Variants in TTYH2 observed in about 807,000 individuals in gnomAD.
TTYH2 encodes protein tweety homolog 2.
Under a neutral mutation model 68.3 loss-of-function variants are expected in TTYH2, and 49 were observed. That is an observed-to-expected ratio of 0.72 (90% CI 0.57 to 0.91). The LOEUF (loss-of-function observed/expected upper bound fraction) is 0.91, where lower values mean the gene tolerates loss of function less well. Among genes scored for constraint, TTYH2 ranks in the 40% least tolerant of loss-of-function variants. The pLI, the probability that TTYH2 is intolerant of heterozygous loss-of-function variation, is 0.00. For missense variants in TTYH2, 631 were observed against 700.4 expected, an observed-to-expected ratio of 0.90 and a Z score of 1.12; for synonymous variants, 272 against 300.8, an observed-to-expected ratio of 0.90 and a Z score of 0.99.
intron 3 of TTYH2, among the ~76,000 whole-genome samples, chr17:74,234,663 A>G (rs2050424539): frequency 6.6e-6 from 1 of 152,132 alleles, no homozygotes; most frequent in South Asian, 2.1e-4. Flanking sequence ...TTTTCCCCCT[A>G]AGGAGGAGTT....
rs543687175 is a variant in TTYH2 at position 74,248,997 on chromosome 17, T to G, written c.805-14T>G. 1 of 1,613,990 alleles carries G rather than the reference T, an allele frequency of 6.2e-7. No homozygotes were observed. Among genetic ancestry groups the G allele is most frequent in the African/African-American group, 1.3e-5 (1 of 75,006 alleles). ...CTGATTTTCCTCCACCCCGTCCCTC[T>G]CTCCCTCACTCAGGCCACCAGTGAC... On this transcript the variant is annotated splice_polypyrimidine_tract_variant and intron_variant, in intron 6 of 13. Transcript: ENST00000269346.
rs776506472 is a variant in TTYH2 at position 74,253,098 on chromosome 17, A to G, written c.1277A>G (p.Asp426Gly). 16 of 1,613,632 alleles carry G rather than the reference A, an allele frequency of 9.9e-6. No individual in the cohort carries two copies. ...TGTTCTAGAAACAGAGACTACGATG[A>G]CATTGATGATGATGACCCCTTTAAC... ...HFTTRNRDYDDIDDDDPFNPQ... is the reference protein window; with the variant it reads ...HFTTRNRDYDGIDDDDPFNPQ... Residue 426 changes from aspartate (D) to glycine (G), a missense_variant, in exon 12 of 14, where the codon GAC (aspartate) becomes GGC (glycine). Asp to Gly is a moderately conservative substitution (Grantham distance 94). Coordinates refer to ENST00000269346, the MANE Select transcript of TTYH2 (RefSeq NM_032646.6).
intron 12 of TTYH2, 151 bp from the exon 13 acceptor site, chr17:74,253,604 A>G: frequency 2.7e-6 from 2 of 740,976 alleles, no homozygotes; most frequent in African/African-American, 1.8e-5. Flanking sequence ...GCTCTTCTCC[A>G]TATCTGCCCA....
Position 74,250,292 on chromosome 17 carries a change from C to T in TTYH2, c.1051C>T (p.Leu351=). 1 of 1,613,650 alleles carries T rather than the reference C, an allele frequency of 6.2e-7. No homozygotes were observed. The highest frequency in any genetic ancestry group is 8.5e-7 in the Non-Finnish European group (1 of 1,179,810). Residue 351 remains leucine, a synonymous_variant, in exon 10 of 14, where the codon CTG becomes TTG. Coordinates refer to ENST00000269346, the MANE Select transcript of TTYH2 (RefSeq NM_032646.6). ...EEDLLAIQLL[L]NSSESSLHQL... ...AGACCTGCTTGCAATCCAGCTCCTG[C>T]TGAACTCCTCAGAGTCCAGCCTTCA...
Position 74,249,488 on chromosome 17 carries a change from G to T in TTYH2, c.930+89G>T, listed in dbSNP as rs1870992. ...ACCACTGACCAAGATGGCGGAGGTGGCAGGGCCTTGCTTGCCTCACTGTGG... is the reference window on the plus strand; with the variant it reads ...ACCACTGACCAAGATGGCGGAGGTGTCAGGGCCTTGCTTGCCTCACTGTGG... On this transcript the variant is annotated intron_variant, in intron 8 of 13. Transcript: ENST00000269346. 9,229 of 1,440,718 alleles carry T rather than the reference G, an allele frequency of 6.4e-3. 434 individuals carry two copies. In the African/African-American group the frequency reaches 0.11, roughly 17 times the overall value. 89.2% of individuals were successfully genotyped at this position (1,440,718 alleles called of 1,614,324 possible).
intron 6 of TTYH2, chr17:74,248,503 C>G: frequency 1.0e-6 from 1 of 992,668 alleles, no homozygotes; most frequent in Non-Finnish European, 1.2e-6. Context: ...TCAGCACCAA[C>G]CTCATTCTTT....
rs751787591 is a variant in TTYH2 at position 74,237,501 on chromosome 17, G to A, written c.622G>A (p.Val208Met). ...CAAGCTATCCGACCAGACTGGCTAC[G>A]TGGAGTACTACAGGTGAAGGACCGG... is the stretch of plus-strand genomic sequence containing the variant. ...LTKLSDQTGY[V>M]EYYRWLSYLL... Residue 208 changes from valine (V) to methionine (M), a missense_variant, in exon 4 of 14, where the codon GTG becomes ATG. By Grantham distance (21) the Val-to-Met change is conservative. Coordinates refer to ENST00000269346, the MANE Select transcript of TTYH2 (RefSeq NM_032646.6). 7.4e-6 allele frequency: 12 copies of A among 1,611,866 alleles called. No homozygotes were observed. Among genetic ancestry groups the A allele is most frequent in the Admixed American group, 3.3e-5 (2 of 59,908 alleles).
chr17:74,253,707 C>A (rs748274119), intron 12 of TTYH2, 48 bp from the exon 13 acceptor site: 5 of 1,586,168 alleles, frequency 3.2e-6, no homozygotes, highest in South Asian at 1.1e-5. Flanking sequence ...CTACACACAC[C>A]CCCACTCCCA....
chr17:74,257,522 G>A (rs1317687152), intron 13 of TTYH2, among the ~76,000 whole-genome samples: 1 of 152,170 alleles, frequency 6.6e-6, no homozygotes, highest in Non-Finnish European at 1.5e-5. Context: ...GAGCAAGTTC[G>A]AGAGGTGGAT....
intron 1 of TTYH2, among the ~76,000 whole-genome samples, chr17:74,219,176 T>C (rs11649747): frequency 0.029 from 4,365 of 148,732 alleles, 132 homozygotes; most frequent in African/African-American, 0.075. Context: ...GAGATCACGC[T>C]GCTGCACTCC....
chr17:74,256,837 CGGGG>C (rs1312640052), intron 13 of TTYH2: 8 of 152,292 alleles, frequency 5.3e-5, no homozygotes, highest in African/African-American at 1.9e-4. Flanking sequence ...TCAGTAGAGA[CGGGG>C]TTTCGCCATG....
At chr17:74,247,764 T>C (rs555557550) in intron 6 of TTYH2, among the ~76,000 whole-genome samples, 43 of 152,258 alleles carry the variant, frequency 2.8e-4, no homozygotes, top group East Asian at 9.7e-4. Flanking sequence ...TGATAGGTAA[T>C]AATAGGCCAG....
chr17:74,250,193 C>T, intron 9 of TTYH2, 72 bp from the exon 10 acceptor site: 2 of 1,510,894 alleles, frequency 1.3e-6, no homozygotes, highest in Non-Finnish European at 1.8e-6. Context: ...CTGAGCACAG[C>T]TGCTGTGGTG....
At chr17:74,216,377 G>A (rs1235081408) in intron 1 of TTYH2, among the ~76,000 whole-genome samples, 2 of 152,176 alleles carry the variant, frequency 1.3e-5, no homozygotes, top group African/African-American at 4.8e-5. Context: ...GAAACAGGCA[G>A]GTGCTGGCCT....
intron 13 of TTYH2, among the ~76,000 whole-genome samples, chr17:74,256,375 G>A (rs546170612): frequency 6.6e-6 from 1 of 152,246 alleles, no homozygotes; most frequent in South Asian, 2.1e-4. Context: ...AAAGCACGGT[G>A]CAGCCCCAAA....
In TTYH2 at chr17:74,222,800, T is replaced by C. The variant is rs1246409623; in HGVS notation, c.302+143T>C. 2.2e-5 allele frequency: 23 copies of C among 1,061,356 alleles called. No homozygotes were observed. The highest frequency in any genetic ancestry group is 3.2e-5 in the African/African-American group (2 of 61,722). 65.7% of individuals were successfully genotyped at this position (1,061,356 alleles called of 1,614,324 possible). On this transcript the variant is annotated intron_variant, in intron 2 of 13. Coordinates refer to ENST00000269346, the MANE Select transcript of TTYH2 (RefSeq NM_032646.6). This position sits in a 1 kb window ranked among gnomAD's most constrained non-coding sequence, Gnocchi z 5.2. ...ATGAATGTTGTCCCTTTTTTTTTTT[T>C]TACCAAGCATCAGGAATCAGATGCC...
chr17:74,254,237 G>A (rs9906380), intron 13 of TTYH2, among the ~76,000 whole-genome samples: 39,818 of 151,620 alleles, frequency 0.26, 5,765 homozygotes, highest in African/African-American at 0.37. Flanking sequence ...GTGCAGTGGC[G>A]CAATATCGGC....
At chr17:74,249,244 G>T (rs926869064) in intron 7 of TTYH2, 100 bp from the exon 8 acceptor site, 1 of 1,567,710 alleles carries the variant, frequency 6.4e-7, no homozygotes, top group African/African-American at 1.4e-5. Context: ...TCCCTTGGGA[G>T]CTCAGGGACG....
chr17:74,253,248 C>T lies in TTYH2; in HGVS notation c.1427C>T (p.Ala476Val). 3.1e-6 allele frequency: 5 copies of T among 1,602,700 alleles called. No homozygotes were observed. Among genetic ancestry groups the T allele is most frequent in the East Asian group, 2.2e-5 (1 of 44,772 alleles). The change falls in exon 12 of 14, where the codon GCC becomes GTC. Residue 476 changes from alanine (A) to valine (V), a missense_variant. Coordinates refer to ENST00000269346, the MANE Select transcript of TTYH2 (RefSeq NM_032646.6). ...CCCCCGGCCCAGACCATCTCCAACG[C>T]CCCTGTCTCCGAGTACATGTACGGC... ...LQPPAQTISN[A>V]PVSEYMNQAM...
Sources: gnomAD v4.1 joint callset for allele counts (sites outside exome capture counted in the v4.1 genomes callset) on GRCh38, gnomAD v4.1.1 for gene constraint, Gnocchi (gnomAD v3.1) non-coding constraint, MANE v1.5 for transcripts, NCBI Gene and HGNC (gene_info 2026-07-23, HGNC 2026-07-21) for gene names.